The following MGA variants were observed in gnomAD, a reference collection of about 807,000 sequenced individuals.
MGA encodes the protein MAX dimerization protein MGA, also known as MAX gene-associated protein.
MGA carries 40 observed loss-of-function variants against 261.1 expected under a neutral mutation model. That is an observed-to-expected ratio of 0.15 (90% CI 0.12 to 0.20). The LOEUF (loss-of-function observed/expected upper bound fraction) is 0.20. MGA is among the 10% of genes least tolerant of loss of function. MGA has a pLI of 1.00. For synonymous variants in MGA, 1,302 were observed against 1,290.6 expected (o/e 1.01, Z -0.19); for missense variants, 3,397 against 3,630.5 (o/e 0.94, Z 1.65).
intron 12 of MGA, among the ~76,000 whole-genome samples, chr15:41,735,172 G>A (rs1184819800): frequency 5.9e-5 from 9 of 152,140 alleles, no homozygotes; most frequent in Admixed American, 5.9e-4. Context: ...AAGTGGAGGA[G>A]GCTACTAGGG....
chr15:41,704,402 G>T (rs2060004119), intron 5 of MGA, among the ~76,000 whole-genome samples: 1 of 152,078 alleles, frequency 6.6e-6, no homozygotes, highest in Non-Finnish European at 1.5e-5. Flanking sequence ...GCTCACGCCT[G>T]TAATCCCAGC....
intron 2 of MGA, among the ~76,000 whole-genome samples, chr15:41,674,574 T>A (rs1410249599): frequency 4.6e-5 from 7 of 151,900 alleles, no homozygotes; most frequent in Non-Finnish European, 1.0e-4. Flanking sequence ...GGCTGAAACG[T>A]AGTGGCGTGA....
At chr15:41,739,081 C>T (rs12906666) in intron 13 of MGA, among the ~76,000 whole-genome samples, 1 of 151,560 alleles carries the variant, frequency 6.6e-6, no homozygotes, top group Non-Finnish European at 1.5e-5. Context: ...GGCAATATGA[C>T]CTAGAGAACA....
At chr15:41,705,460 C>A (rs1164248733) in intron 5 of MGA, among the ~76,000 whole-genome samples, 2 of 152,066 alleles carry the variant, frequency 1.3e-5, no homozygotes, top group Admixed American at 1.3e-4. Context: ...CTCCTGGGCT[C>A]AAGCAGTCCT....
chr15:41,733,310 G>GA (rs766984451), intron 11 of MGA, among the ~76,000 whole-genome samples: 24 of 152,162 alleles, frequency 1.6e-4, no homozygotes, highest in Non-Finnish European at 2.5e-4. Context: ...TGGAACTAAG[G>GA]AAAGAGGGCA....
chr15:41,715,412 G>A (rs963757745), intron 9 of MGA, among the ~76,000 whole-genome samples: 10 of 151,566 alleles, frequency 6.6e-5, no homozygotes, highest in African/African-American at 2.4e-4. Context: ...CCTCCCAAAG[G>A]GCTTGGTTTC....
chr15:41,730,660 A>G (rs534370294), intron 11 of MGA, among the ~76,000 whole-genome samples: 2 of 152,320 alleles, frequency 1.3e-5, no homozygotes, highest in African/African-American at 4.8e-5. Flanking sequence ...AGCTTTTTTC[A>G]GTATAATAAA....
chr15:41,764,897 C>G lies in MGA; in HGVS notation c.7756C>G (p.Pro2586Ala), dbSNP rs2063719608. The stretch of plus-strand genomic sequence containing the variant: ...GATCTTTCTTACAGAAAATACCTCA[C>G]CCTTGAACACTCCACACACCTCTGC... Residue 2586 changes from proline to alanine, a missense_variant, in exon 23 of 24, where the codon CCC becomes GCC. Physicochemically the swap from Pro to Ala is conservative, Grantham distance 27. Around this residue, in one of 9 missense-constraint regions of MGA, gnomAD observed 647 missense variants for 642.4 expected, o/e 1.01. Coordinates refer to ENST00000219905, the MANE Select transcript of MGA (RefSeq NM_001164273.2). 6.2e-7 allele frequency: 1 copy of G among 1,613,870 alleles called. No homozygotes were observed. Among genetic ancestry groups the G allele is most frequent in the African/African-American group, 1.3e-5 (1 of 74,924 alleles).
At chr15:41,763,794 ACTT>A (rs1416987313) in intron 22 of MGA, among the ~76,000 whole-genome samples, 1 of 152,146 alleles carries the variant, frequency 6.6e-6, no homozygotes, top group Non-Finnish European at 1.5e-5. Context: ...ATTAGTCTTA[ACTT>A]CTTATTACCA....
chr15:41,671,362 C>T (rs142660344), intron 2 of MGA, among the ~76,000 whole-genome samples: 67 of 152,268 alleles, frequency 4.4e-4, no homozygotes, highest in Admixed American at 1.1e-3. Flanking sequence ...CTCACCCTGT[C>T]GCCCGGGCTG....
In MGA at chr15:41,740,178, G is replaced by GT; in HGVS notation, c.4563dup (p.Val1522CysfsTer24). On this transcript the variant is annotated frameshift_variant, in exon 14 of 24. Transcript: ENST00000219905. LOFTEE classifies it high-confidence loss of function. ...ATCGCCCTGGGAAGAATCTGAAGGCGTTTGTCCCAGCAAAACGGCCAATTG... is the reference window on the plus strand; with the variant it reads ...ATCGCCCTGGGAAGAATCTGAAGGCGTTTTGTCCCAGCAAAACGGCCAATTG... 6.2e-7 allele frequency: 1 copy of GT among 1,613,938 alleles called. No homozygotes were observed.
upstream of MGA, among the ~76,000 whole-genome samples, chr15:41,659,799 C>T (rs1330591075): frequency 6.6e-6 from 1 of 152,230 alleles, no homozygotes; most frequent in Non-Finnish European, 1.5e-5. Flanking sequence ...AATTTAGTGG[C>T]AACTCTTCGC....
intron 15 of MGA, among the ~76,000 whole-genome samples, chr15:41,743,753 T>C (rs2151866706): frequency 6.6e-6 from 1 of 152,330 alleles, no homozygotes; most frequent in East Asian, 1.9e-4. Flanking sequence ...CACTAATGAA[T>C]CAGCACCTAT....
intron 2 of MGA, among the ~76,000 whole-genome samples, chr15:41,683,498 T>C (rs553225333): frequency 2.8e-4 from 43 of 151,988 alleles, no homozygotes; most frequent in African/African-American, 8.9e-4. Flanking sequence ...TGCCAAGAGC[T>C]CTTTTATTTT....
chr15:41,764,016 G>A (rs1288738879), intron 22 of MGA, among the ~76,000 whole-genome samples: 5 of 151,120 alleles, frequency 3.3e-5, no homozygotes, highest in South Asian at 2.1e-4. Flanking sequence ...AAAATTAGCC[G>A]GATGTGGTGG....
At position 41,716,621 on chromosome 15, in the gene MGA, C is replaced by T. The variant is rs187892255; in HGVS notation, c.3430+3125C>T. Among the ~76,000 whole-genome samples, 7 of 151,548 alleles carry T rather than the reference C, an allele frequency of 4.6e-5. No homozygotes were observed. In the East Asian group the frequency reaches 9.7e-4, roughly 21 times the overall value. On this transcript the variant is annotated intron_variant, in intron 9 of 23. Coordinates refer to ENST00000219905, the MANE Select transcript of MGA (RefSeq NM_001164273.2). ...AGTTGAAATCCTTTAGTATGTTTTG[C>T]AAAAAGATAGGTGGAAACTGAGGGT...
Position 41,669,372 on chromosome 15 carries a change from C to T in MGA, c.478C>T (p.Pro160Ser). ...TGTTTTGGGGAGGGTTTTCATTCAT[C>T]CAGAATCTCCTTCCACAGGTCATTA... is the stretch of plus-strand genomic sequence containing the variant. The change falls in exon 2 of 24, where the codon CCA (proline) becomes TCA (serine). Residue 160 changes from proline to serine, a missense_variant. Pro to Ser is a moderately conservative substitution (Grantham distance 74). Transcript: ENST00000219905. The T allele has an allele frequency of 1.2e-6, 2 of 1,613,950 alleles. No individual in the cohort carries two copies. The highest frequency in any genetic ancestry group is 1.7e-6 in the Non-Finnish European group (2 of 1,179,882).
chr15:41,763,418 A>C (rs1479591553), intron 22 of MGA, among the ~76,000 whole-genome samples: 2 of 151,170 alleles, frequency 1.3e-5, no homozygotes, highest in Admixed American at 1.3e-4. Flanking sequence ...TCTATTTTTC[A>C]TCAGATCACT....
At chr15:41,650,062 T>A (rs982858989) in intron 1 of MGA, among the ~76,000 whole-genome samples, 3 of 152,182 alleles carry the variant, frequency 2.0e-5, no homozygotes, top group African/African-American at 7.2e-5. Flanking sequence ...TCAGTATAAT[T>A]TAGTTGCTTT....
Sources: gnomAD v4.1 joint callset for allele counts (sites outside exome capture counted in the v4.1 genomes callset) on GRCh38, gnomAD v4.1.1 for gene constraint, gnomAD v4.1.1 regional missense constraint, MANE v1.5 for transcripts, NCBI Gene and HGNC (gene_info 2026-07-23, HGNC 2026-07-21) for gene names.